CSMD2: variants seen among roughly 807,000 people sequenced by gnomAD.
The protein encoded by CSMD2 is CUB and Sushi multiple domains 2, also known as CUB and sushi domain-containing protein 2.
A neutral mutation model predicts 398.5 loss-of-function variants in CSMD2; 130 were observed. The ratio of observed to expected loss-of-function variants is 0.33; its 90% CI spans 0.28 to 0.38. The LOEUF is 0.38. Ranked by LOEUF, CSMD2 falls within the 10% of genes least tolerant of loss-of-function variation. The pLI is 1.00. For missense variants in CSMD2, 3,829 were observed against 4,764.9 expected, an observed-to-expected ratio of 0.80 and a Z score of 5.78; for synonymous variants, 1,828 against 1,908.5, an observed-to-expected ratio of 0.96 and a Z score of 1.10.
At chr1:34,037,343 C>T (rs757461041) in intron 2 of CSMD2, among the ~76,000 whole-genome samples, 11 of 152,166 alleles carry the variant, frequency 7.2e-5, no homozygotes, top group Non-Finnish European at 1.0e-4. Context: ...TGCTGACTAC[C>T]AGTACCAGAA....
chr1:34,009,360 A>G (rs489268), intron 3 of CSMD2, among the ~76,000 whole-genome samples: 34,606 of 147,308 alleles, frequency 0.23, 5,903 homozygotes, highest in East Asian at 0.51. Flanking sequence ...GGGGTGGGGG[A>G]AGGTGGAAGG....
intron 3 of CSMD2, among the ~76,000 whole-genome samples, chr1:34,003,137 C>T (rs1031749223): frequency 1.3e-5 from 2 of 152,198 alleles, no homozygotes; most frequent in African/African-American, 4.8e-5. Context: ...CTCCTTCCTT[C>T]TCCAACTCCC....
At chr1:34,111,388 C>A (rs1207609970) in intron 1 of CSMD2, among the ~76,000 whole-genome samples, 1 of 152,208 alleles carries the variant, frequency 6.6e-6, no homozygotes, top group African/African-American at 2.4e-5. Flanking sequence ...CATCTCCCCA[C>A]CAGACTGAGT....
intron 49 of CSMD2, among the ~76,000 whole-genome samples, chr1:33,576,174 A>G (rs921662633): frequency 4.6e-5 from 7 of 152,268 alleles, no homozygotes; most frequent in Admixed American, 3.9e-4. Context: ...AGATGGAATT[A>G]TAAGTTTATC....
chr1:33,724,822 A>G (rs1646475117), intron 17 of CSMD2, 118 bp from the exon 18 acceptor site: 1 of 916,508 alleles, frequency 1.1e-6, no homozygotes. Context: ...GTTGCCAATT[A>G]CTGACTCATG....
At chr1:34,070,818 A>C (rs897261241) in intron 2 of CSMD2, among the ~76,000 whole-genome samples, 4 of 151,474 alleles carry the variant, frequency 2.6e-5, no homozygotes, top group Non-Finnish European at 5.9e-5. Context: ...AATTCCTCTT[A>C]TAACTGAAAT....
chr1:33,841,049 T>G (rs148760232), intron 6 of CSMD2, among the ~76,000 whole-genome samples: 6 of 152,336 alleles, frequency 3.9e-5, no homozygotes, highest in African/African-American at 1.4e-4. Context: ...ATGAATAAGT[T>G]TATTCTGCAG....
intron 3 of CSMD2, among the ~76,000 whole-genome samples, chr1:33,993,522 T>C (rs1007529882): frequency 6.6e-6 from 1 of 152,020 alleles, no homozygotes; most frequent in Non-Finnish European, 1.5e-5. Context: ...GGCCCTTCTC[T>C]ATCAGCAAGT....
At chr1:33,590,651 T>C (rs1330502947) in intron 44 of CSMD2, among the ~76,000 whole-genome samples, 3 of 144,602 alleles carry the variant, frequency 2.1e-5, no homozygotes, top group South Asian at 4.5e-4. Flanking sequence ...TCTTACCACA[T>C]TGATGGTATC....
chr1:33,651,317 G>T (rs564002204), intron 28 of CSMD2, among the ~76,000 whole-genome samples: 162 of 152,216 alleles, frequency 1.1e-3, no homozygotes, highest in Non-Finnish European at 2.0e-3. Context: ...CGTGAGAGCA[G>T]GTGTCAATGC....
At chr1:33,572,331 T>C (rs913466236) in intron 50 of CSMD2, among the ~76,000 whole-genome samples, 175 bp downstream of exon 50, 2 of 152,040 alleles carry the variant, frequency 1.3e-5, no homozygotes, top group Non-Finnish European at 2.9e-5. Context: ...TGGTTATCAA[T>C]GCTGAGAGCA....
At chr1:33,614,706 A>G (rs1227145105) in intron 39 of CSMD2, 86 bp from the exon 40 acceptor site, 1 of 736,170 alleles carries the variant, frequency 1.4e-6, no homozygotes, top group African/African-American at 1.8e-5. Flanking sequence ...CCCTTCAAGC[A>G]GCAGTTTTTA....
intron 44 of CSMD2, chr1:33,592,363 A>G (rs557646301): frequency 1.4e-6 from 1 of 715,122 alleles, no homozygotes; most frequent in Non-Finnish European, 2.6e-6. Context: ...CAACTTCCCA[A>G]GAGAGAACAT....
intron 2 of CSMD2, among the ~76,000 whole-genome samples, chr1:34,068,704 C>T (rs1655388578): frequency 6.6e-6 from 1 of 152,176 alleles, no homozygotes; most frequent in African/African-American, 2.4e-5. Flanking sequence ...GTGTCCCCAC[C>T]AAAATCTCAT....
chr1:34,116,964 G>A (rs974201536), intron 1 of CSMD2, among the ~76,000 whole-genome samples: 1 of 151,970 alleles, frequency 6.6e-6, no homozygotes, highest in Non-Finnish European at 1.5e-5. Flanking sequence ...GATAAAGCAT[G>A]CCAAAAACTT....
chr1:33,985,246 C>T (rs182121300), intron 3 of CSMD2, among the ~76,000 whole-genome samples: 1 of 152,158 alleles, frequency 6.6e-6, no homozygotes, highest in Non-Finnish European at 1.5e-5. Flanking sequence ...TCCCCATCCA[C>T]CCCACCCCTC....
At chr1:33,796,897 G>A (rs1189211138) in intron 10 of CSMD2, among the ~76,000 whole-genome samples, 1 of 152,184 alleles carries the variant, frequency 6.6e-6, no homozygotes, top group South Asian at 2.1e-4. Context: ...GCCGCTCTGG[G>A]AGTGTCTGTC....
chr1:33,822,661 C>T (rs1658292917), intron 7 of CSMD2, among the ~76,000 whole-genome samples: 1 of 152,172 alleles, frequency 6.6e-6, no homozygotes, highest in African/African-American at 2.4e-5. Context: ...GATGGAAGTG[C>T]CATTCCCGAA....
At chr1:33,552,069 C>T (rs1245224294) in intron 55 of CSMD2, among the ~76,000 whole-genome samples, 1 of 152,154 alleles carries the variant, frequency 6.6e-6, no homozygotes, top group Non-Finnish European at 1.5e-5. Flanking sequence ...TCTACTAAAC[C>T]CTGCCAGAAT....
Sources: allele counts gnomAD v4.1 joint callset (sites outside exome capture counted in the v4.1 genomes callset), GRCh38; gene constraint gnomAD v4.1.1; transcripts MANE v1.5; gene names NCBI Gene and HGNC (gene_info 2026-07-23, HGNC 2026-07-21).